MERTK: variants seen among roughly 807,000 people sequenced by gnomAD.
The protein encoded by MERTK is tyrosine-protein kinase Mer.
A neutral mutation model predicts 99.3 loss-of-function variants in MERTK; 69 were observed. That is an observed-to-expected ratio of 0.70 (90% CI 0.57 to 0.85). The LOEUF is 0.85. Among genes scored for constraint, MERTK ranks in the 40% least tolerant of loss-of-function variants. MERTK has a pLI of 0.00. For missense variants in MERTK, 1,125 were observed against 1,249.4 expected (o/e 0.90, Z 1.50); for synonymous variants, 426 against 467.6 (o/e 0.91, Z 1.15).
chr2:111,901,559 C>CTTTTTTT (rs11459119), intron 1 of MERTK, among the ~76,000 whole-genome samples: 1 of 131,198 alleles, frequency 7.6e-6, no homozygotes, highest in African/African-American at 2.9e-5. Flanking sequence ...TTCTTTCTTT[C>CTTTTTTT]TTTTTTTTTT....
chr2:111,978,199 G>T (rs1676294567), intron 7 of MERTK, among the ~76,000 whole-genome samples: 1 of 150,874 alleles, frequency 6.6e-6, no homozygotes, highest in Non-Finnish European at 1.5e-5. Context: ...GCCCAGGCTG[G>T]AGTGCAATGG....
intron 2 of MERTK, among the ~76,000 whole-genome samples, chr2:111,936,155 A>ATCTGCCCGCC (rs1684761818): frequency 6.6e-6 from 1 of 152,100 alleles, no homozygotes; most frequent in South Asian, 2.1e-4. Context: ...TGACCTCATG[A>ATCTGCCCGCC]TCTGCCCGCC....
chr2:111,905,490 G>A (rs1417484488), intron 1 of MERTK, among the ~76,000 whole-genome samples: 6 of 137,846 alleles, frequency 4.4e-5, no homozygotes, highest in African/African-American at 2.7e-5. Flanking sequence ...CCAGGCTGGA[G>A]TGCAGTGGCG....
At chr2:112,003,855 C>T (rs777106982) in intron 12 of MERTK, 49 bp from the exon 13 acceptor site, 6 of 1,462,268 alleles carry the variant, frequency 4.1e-6, no homozygotes, top group Non-Finnish European at 5.8e-6. Context: ...TTTCTGTGGT[C>T]AGGGAAGAGT....
chr2:111,932,935 G>A (rs1684700358), intron 2 of MERTK, among the ~76,000 whole-genome samples: 2 of 152,116 alleles, frequency 1.3e-5, no homozygotes, highest in African/African-American at 4.8e-5. Context: ...GGGGTTTGGA[G>A]TGTTTTTGGT....
At chr2:111,986,936 T>C (rs1996326) in intron 8 of MERTK, among the ~76,000 whole-genome samples, 94,029 of 151,994 alleles carry the variant, frequency 0.62, 29,470 homozygotes, top group Middle Eastern at 0.69. Flanking sequence ...GGAAGAAAGG[T>C]GGACCCTGGG....
chr2:111,915,649 A>G (rs564263301), intron 1 of MERTK, among the ~76,000 whole-genome samples: 1 of 152,126 alleles, frequency 6.6e-6, no homozygotes, highest in East Asian at 1.9e-4. Context: ...TAATCCCAGC[A>G]CTTTGGGAGG....
At chr2:111,985,661 GTCTTACA>G (rs1676464518) in intron 8 of MERTK, among the ~76,000 whole-genome samples, 1 of 152,118 alleles carries the variant, frequency 6.6e-6, no homozygotes, top group Non-Finnish European at 1.5e-5. Context: ...GCAAAGGCAC[GTCTTACA>G]TGGTGACAGG....
intron 1 of MERTK, among the ~76,000 whole-genome samples, chr2:111,911,689 CTTTTT>C (rs34867670): frequency 1.7e-5 from 1 of 57,698 alleles, no homozygotes; most frequent in Non-Finnish European, 3.0e-5. Context: ...AGCGCCCAGC[CTTTTT>C]TTTTTTTTTT....
At position 111,947,270 on chromosome 2, in the gene MERTK, C is replaced by A. The variant is rs556270064; in HGVS notation, c.584-124C>A. The A allele has an allele frequency of 1.7e-4, 93 of 540,344 alleles. 1 individual carries two copies. Among genetic ancestry groups the A allele is most frequent in the Middle Eastern group, 5.0e-4 (1 of 2,006 alleles). The allele number at this position is 540,344 out of a possible 1,614,324, so 33.5% of individuals were successfully genotyped here. ...CCTGGGTGACAGAGCAAGACTCCAT[C>A]CCCACCCGCCCCCCACAAAAAAAGA... is the stretch of plus-strand genomic sequence containing the variant. On this transcript the variant is annotated intron_variant, in intron 3 of 18. Coordinates refer to ENST00000295408, the MANE Select transcript of MERTK (RefSeq NM_006343.3).
intron 2 of MERTK, among the ~76,000 whole-genome samples, chr2:111,941,362 G>A (rs1186915061): frequency 6.6e-6 from 1 of 152,162 alleles, no homozygotes; most frequent in African/African-American, 2.4e-5. Flanking sequence ...CCCTGATGAA[G>A]CCCCCATGTG....
rs1441121373 is a variant in MERTK at position 111,948,181 on chromosome 2, A to G, written c.757+614A>G. On this transcript the variant is annotated intron_variant, in intron 4 of 18. Coordinates refer to ENST00000295408, the MANE Select transcript of MERTK (RefSeq NM_006343.3). The stretch of plus-strand genomic sequence containing the variant: ...TTCAGCAACATCAGGCAAGGTTACC[A>G]CACTCCCTCCCTCCTTCCTTTCTCC... 1.1e-4 allele frequency among the ~76,000 whole-genome samples: 16 copies of G among 152,186 alleles called. No individual in the cohort carries two copies. In the East Asian group the frequency reaches 3.1e-3, roughly 29 times the overall value.
chr2:111,926,595 C>A (rs61700153), intron 1 of MERTK, among the ~76,000 whole-genome samples: 5 of 152,106 alleles, frequency 3.3e-5, no homozygotes, highest in Non-Finnish European at 5.9e-5. Flanking sequence ...GGCATGGTGG[C>A]GCGCACCTGT....
At chr2:111,969,228 G>A (rs1220570461) in intron 6 of MERTK, among the ~76,000 whole-genome samples, 3 of 152,108 alleles carry the variant, frequency 2.0e-5, no homozygotes, top group Non-Finnish European at 2.9e-5. Context: ...CTTAACACAC[G>A]CTGCACTGCA....
At chr2:111,951,522 C>CATATATGTATATATATATATATAT (rs1685054165) in intron 4 of MERTK, among the ~76,000 whole-genome samples, 4 of 85,870 alleles carry the variant, frequency 4.7e-5, no homozygotes, top group Admixed American at 4.0e-4. Context: ...ATAATATTCC[C>CATATATGTATATATATATATATAT]ATATATATAT....
chr2:111,925,275 G>GAGATATATATATATAT (rs1553446636), intron 1 of MERTK, among the ~76,000 whole-genome samples: 1 of 52,188 alleles, frequency 1.9e-5, no homozygotes, highest in African/African-American at 9.5e-5. Context: ...GTACAGATCA[G>GAGATATATATATATAT]ATATATATAT....
rs1265426987 is a variant in MERTK at position 111,969,785 on chromosome 2, G to A, written c.960+1533G>A. ...CAGCTCACTGCAAGCTCCACCTCCC[G>A]GGTTCACGCCATTCTCCTGCCTCAG... is the stretch of plus-strand genomic sequence containing the variant. On this transcript the variant is annotated intron_variant, in intron 6 of 18. Transcript: ENST00000295408. Among the ~76,000 whole-genome samples, 2 of 150,088 alleles carry A rather than the reference G, an allele frequency of 1.3e-5. 1 individual carries two copies. The highest frequency in any genetic ancestry group is 4.2e-4 in the South Asian group (2 of 4,744).
chr2:112,025,726 G>A (rs1276011717), intron 18 of MERTK, among the ~76,000 whole-genome samples: 1 of 152,180 alleles, frequency 6.6e-6, no homozygotes, highest in Non-Finnish European at 1.5e-5. Context: ...GAGCAAAGCA[G>A]GTGCTTGAAA....
At chr2:111,963,574 A>G (rs1451049332) in intron 4 of MERTK, among the ~76,000 whole-genome samples, 8 of 152,090 alleles carry the variant, frequency 5.3e-5, no homozygotes, top group African/African-American at 7.2e-5. Context: ...CTTAACGAGC[A>G]TGCTGCCTTC....
Sources: gnomAD v4.1 joint callset for allele counts (sites outside exome capture counted in the v4.1 genomes callset) on GRCh38, gnomAD v4.1.1 for gene constraint, MANE v1.5 for transcripts, NCBI Gene and HGNC (gene_info 2026-07-23, HGNC 2026-07-21) for gene names.